Variants in COL4A2 observed in about 807,000 individuals in gnomAD.
COL4A2 encodes the protein collagen type IV alpha 2 chain, also known as collagen alpha-2(IV) chain.
A neutral mutation model predicts 200.2 loss-of-function variants in COL4A2; 99 were observed. That is an observed-to-expected ratio of 0.49 (90% confidence interval 0.42 to 0.58). The LOEUF (loss-of-function observed/expected upper bound fraction) is 0.58, where lower values mean the gene tolerates loss of function less well. COL4A2 is among the 20% of genes least tolerant of loss of function. The pLI, the probability that COL4A2 is intolerant of heterozygous loss-of-function variation, is 0.00. For synonymous variants in COL4A2, 897 were observed against 900.6 expected, an observed-to-expected ratio of 1.00 and a Z score of 0.07; for missense variants, 1,950 against 2,314.1, an observed-to-expected ratio of 0.84 and a Z score of 3.23.
chr13:110,345,979 G>A (rs1247266075), intron 3 of COL4A2, among the ~76,000 whole-genome samples: 1 of 152,136 alleles, frequency 6.6e-6, no homozygotes, highest in Non-Finnish European at 1.5e-5. Context: ...CAAGAAGATG[G>A]GCTTTGGGAT....
intron 16 of COL4A2, among the ~76,000 whole-genome samples, chr13:110,444,144 A>C (rs138045405): frequency 6.6e-6 from 1 of 152,088 alleles, no homozygotes; most frequent in African/African-American, 2.4e-5. Flanking sequence ...CCCTTCCCCA[A>C]TGGGTTTTCT....
In COL4A2 at chr13:110,512,785, T is replaced by C. The variant is rs1884136702; in HGVS notation, c.*594T>C. The C allele has an allele frequency of 6.5e-6, 1 of 153,782 alleles. No individual in the cohort carries two copies. 9.5% of individuals were successfully genotyped at this position (153,782 alleles called of 1,614,324 possible). On this transcript the variant is annotated 3_prime_UTR_variant, in exon 48 of 48. Coordinates refer to ENST00000360467, the MANE Select transcript of COL4A2 (RefSeq NM_001846.4). ...AATCACACTGCGGTAGGTCATTCTT[T>C]TGCCACATCCCTATAGACCACTGGG...
At position 110,462,393 on chromosome 13, in the gene COL4A2, C is replaced by A; in HGVS notation, c.1776+9C>A. On this transcript the variant is annotated intron_variant, in intron 24 of 47. Coordinates refer to ENST00000360467, the MANE Select transcript of COL4A2 (RefSeq NM_001846.4). ...GCCTCCCAGGCCCTCCCGTGAGTAG[C>A]CACAAACTGCGGCAGCTCCGTCCTC... 6.2e-7 allele frequency: 1 copy of A among 1,612,268 alleles called. No homozygotes were observed. Among genetic ancestry groups the A allele is most frequent in the Non-Finnish European group, 8.5e-7 (1 of 1,179,742 alleles).
intron 4 of COL4A2, among the ~76,000 whole-genome samples, chr13:110,377,313 C>A (rs1217555786): frequency 6.6e-6 from 1 of 152,176 alleles, no homozygotes; most frequent in Non-Finnish European, 1.5e-5. Flanking sequence ...GTATTGGTTG[C>A]ATCTGTCATT....
intron 40 of COL4A2, among the ~76,000 whole-genome samples, chr13:110,497,162 AGC>A (rs1229331687): frequency 1.3e-5 from 2 of 151,852 alleles, no homozygotes; most frequent in African/African-American, 4.8e-5. Context: ...ATCTAGGGTC[AGC>A]GCACCAGCAG....
intron 40 of COL4A2, among the ~76,000 whole-genome samples, chr13:110,500,683 C>G (rs1022882387): frequency 2.0e-5 from 3 of 152,188 alleles, no homozygotes; most frequent in African/African-American, 7.2e-5. Context: ...AGGGGAAATA[C>G]AAGGCTAAGT....
At chr13:110,325,880 T>A (rs1885395453) in intron 3 of COL4A2, among the ~76,000 whole-genome samples, 1 of 151,724 alleles carries the variant, frequency 6.6e-6, no homozygotes, top group African/African-American at 2.4e-5. Context: ...ACCTCCTGGG[T>A]TCAAGCGATT....
chr13:110,391,484 G>T lies in COL4A2; in HGVS notation c.181-33250G>T, dbSNP rs1365812370. Among the ~76,000 whole-genome samples the T allele has an allele frequency of 2.6e-5, 4 of 152,154 alleles. No homozygotes were observed. In the South Asian group the frequency reaches 8.3e-4, roughly 32 times the overall value. On this transcript the variant is annotated intron_variant, in intron 4 of 47. Transcript: ENST00000360467. ...ATAGTCAGGATCTGTTGAGTTAAAA[G>T]AATATCCAGAGATATAACAATGCAT...
chr13:110,482,584 C>G lies in COL4A2; in HGVS notation c.2827C>G (p.Pro943Ala). ...MPGLKGRPGF[P>A]GSKGEAGFFG... ...TGGACTCAAAGGGAGACCCGGGTTTCCAGGGAGCAAAGGCGAGGCTGGATT... is the reference window on the plus strand; with the variant it reads ...TGGACTCAAAGGGAGACCCGGGTTTGCAGGGAGCAAAGGCGAGGCTGGATT... The change falls in exon 32 of 48, where the codon CCA (proline) becomes GCA (alanine). Residue 943 changes from proline (P) to alanine (A), a missense_variant. By Grantham distance (27) the Pro-to-Ala change is conservative (BLOSUM62 -1). Around this residue, in one of 2 missense-constraint regions of COL4A2, gnomAD observed 1,385 missense variants for 1,720.5 expected, o/e 0.80. Coordinates refer to ENST00000360467, the MANE Select transcript of COL4A2 (RefSeq NM_001846.4). 4 of 1,614,154 alleles carry G rather than the reference C, an allele frequency of 2.5e-6. No homozygotes were observed. The highest frequency in any genetic ancestry group is 3.4e-6 in the Non-Finnish European group (4 of 1,180,030).
At position 110,506,576 on chromosome 13, in the gene COL4A2, G is replaced by A; in HGVS notation, c.4564G>A (p.Gly1522Ser). 1.9e-6 allele frequency: 3 copies of A among 1,612,726 alleles called. No homozygotes were observed. The highest frequency in any genetic ancestry group is 2.5e-6 in the Non-Finnish European group (3 of 1,179,506). ...TGGATACAGCCTGCTGTACTTCGAG[G>A]GCCAGGAGAAGGCGCACAACCAGGA... ...WSGYSLLYFE[G>S]QEKAHNQDLG... The change falls in exon 46 of 48, where the codon GGC becomes AGC. Residue 1522 changes from glycine to serine, a missense_variant. By Grantham distance (56) the Gly-to-Ser change is moderately conservative. Around this residue, in one of 2 missense-constraint regions of COL4A2, gnomAD observed 1,385 missense variants for 1,720.5 expected, o/e 0.80. Transcript: ENST00000360467.
chr13:110,448,762 G>A (rs946620470), intron 18 of COL4A2, among the ~76,000 whole-genome samples: 3 of 152,044 alleles, frequency 2.0e-5, no homozygotes, highest in East Asian at 1.9e-4. Context: ...TGTGCCAGGC[G>A]ATGCTCCAAG....
chr13:110,504,750 C>T (rs748446426), intron 45 of COL4A2, among the ~76,000 whole-genome samples: 1 of 151,950 alleles, frequency 6.6e-6, no homozygotes, highest in African/African-American at 2.4e-5. Context: ...GGACTACAGG[C>T]ATGTGCCCCC....
chr13:110,356,220 A>G (rs1487192947), intron 3 of COL4A2, among the ~76,000 whole-genome samples: 1 of 152,154 alleles, frequency 6.6e-6, no homozygotes, highest in African/African-American at 2.4e-5. Flanking sequence ...TTAAGGTTGT[A>G]TCTCCTTCTC....
chr13:110,389,591 C>G (rs1375662864), intron 4 of COL4A2, among the ~76,000 whole-genome samples: 1 of 152,190 alleles, frequency 6.6e-6, no homozygotes, highest in Non-Finnish European at 1.5e-5. Flanking sequence ...GTCTATTAAT[C>G]TCCCCATGCA....
At chr13:110,449,986 C>T (rs1881476676) in intron 19 of COL4A2, among the ~76,000 whole-genome samples, 197 bp downstream of exon 19, 1 of 152,226 alleles carries the variant, frequency 6.6e-6, no homozygotes, top group African/African-American at 2.4e-5. Flanking sequence ...ATGACAGTAA[C>T]TCCCCAACTA....
chr13:110,478,060 C>T lies in COL4A2; in HGVS notation c.2483C>T (p.Pro828Leu). Residue 828 changes from proline (P) to leucine (L), a missense_variant, in exon 30 of 48, where the codon CCT becomes CTT. Pro to Leu is a moderately conservative substitution (Grantham distance 98, BLOSUM62 -3). Transcript: ENST00000360467. ...GLKGQPGLPG[P>L]SGQPGLYGPP... ...AAGGGCCAGCCAGGCCTCCCAGGAC[C>T]TTCCGGCCAGCCAGGCCTGTATGGG... 1 of 1,605,774 alleles carries T rather than the reference C, an allele frequency of 6.2e-7. No homozygotes were observed. Among genetic ancestry groups the T allele is most frequent in the Non-Finnish European group, 8.5e-7 (1 of 1,174,742 alleles).
intron 22 of COL4A2, among the ~76,000 whole-genome samples, chr13:110,461,497 C>T (rs539579442): frequency 1.8e-4 from 28 of 152,358 alleles, no homozygotes; most frequent in African/African-American, 6.7e-4. Flanking sequence ...TGGCTACTTC[C>T]ACTGCATTGT....
intron 16 of COL4A2, among the ~76,000 whole-genome samples, chr13:110,440,956 C>T (rs1483312677): frequency 2.0e-5 from 3 of 152,254 alleles, no homozygotes; most frequent in Admixed American, 2.0e-4. Context: ...GGCAGGTACA[C>T]ATCTGCCTCG....
At chr13:110,478,544 G>A (rs1215029187) in intron 30 of COL4A2, among the ~76,000 whole-genome samples, 3 of 152,224 alleles carry the variant, frequency 2.0e-5, no homozygotes, top group African/African-American at 7.2e-5. Flanking sequence ...TAGATGGGCT[G>A]GAGCAGAGGA....
Sources: gnomAD v4.1 joint callset for allele counts (sites outside exome capture counted in the v4.1 genomes callset) on GRCh38, gnomAD v4.1.1 for gene constraint, gnomAD v4.1.1 regional missense constraint, MANE v1.5 for transcripts, NCBI Gene and HGNC (gene_info 2026-07-23, HGNC 2026-07-21) for gene names.